The following RPL37 variants were observed in gnomAD, a reference collection of about 807,000 sequenced individuals.
The protein encoded by RPL37 is ribosomal protein L37.
A neutral mutation model predicts 14.8 loss-of-function variants in RPL37; 1 was observed. The observed-to-expected ratio is 0.07, with a 90% CI of 0.02 to 0.32. The LOEUF is 0.32. Among genes scored for constraint, RPL37 ranks in the 10% least tolerant of loss-of-function variants. RPL37 has a pLI of 1.00. For synonymous variants in RPL37, 53 were observed against 45.8 expected (o/e 1.16, Z -0.63); for missense variants, 100 against 128.3 (o/e 0.78, Z 1.06).
chr5:40,830,903 G>A lies in RPL37; in HGVS notation c.*1601C>T, dbSNP rs1745627751. On this transcript the variant is annotated 3_prime_UTR_variant, in exon 4 of 4. Coordinates refer to ENST00000274242, the MANE Select transcript of RPL37 (RefSeq NM_000997.5). ...ACATTATACCCACAGCAACTCAGCT[G>A]TCTTTCAAGGTCATTGTTCAATCTT... is the stretch of plus-strand genomic sequence containing the variant. The A allele has an allele frequency of 6.6e-6, 1 of 151,976 alleles. No homozygotes were observed. The highest frequency in any genetic ancestry group is 2.4e-5 in the African/African-American group (1 of 41,392). 9.4% of individuals were successfully genotyped at this position (151,976 alleles called of 1,614,324 possible).
rs1008801304 is a variant in RPL37, at chr5:40,829,965, C to A, written c.*2539G>T. The A allele has an allele frequency of 1.3e-5, 2 of 152,024 alleles. No individual in the cohort carries two copies. The highest frequency in any genetic ancestry group is 4.8e-5 in the African/African-American group (2 of 41,388). The allele number at this position is 152,024 out of a possible 1,614,324, so 9.4% of individuals were successfully genotyped here. On this transcript the variant is annotated 3_prime_UTR_variant, in exon 4 of 4. Coordinates refer to ENST00000274242, the MANE Select transcript of RPL37 (RefSeq NM_000997.5). ...GCTGCGACTATAGGACGTGAGCTAC[C>A]GTACCCGGCCGCCACAGATTCAACC...
At position 40,829,302 on chromosome 5, in the gene RPL37, TC is replaced by T. The variant is rs1250170866; in HGVS notation, c.*3201del. On this transcript the variant is annotated 3_prime_UTR_variant, in exon 4 of 4. Transcript: ENST00000274242. ...ACTCATCACATGCACACTAACACTTTCCACATTCATCTTGCTAGAATAACTA... is the reference window on the plus strand; with the variant it reads ...ACTCATCACATGCACACTAACACTTTCACATTCATCTTGCTAGAATAACTA... 2 of 152,344 alleles carry T rather than the reference TC, an allele frequency of 1.3e-5. No homozygotes were observed. The highest frequency in any genetic ancestry group is 3.9e-4 in the East Asian group (2 of 5,188). The allele number at this position is 152,344 out of a possible 1,614,324, so 9.4% of individuals were successfully genotyped here.
intron 1 of RPL37, chr5:40,834,910 G>T (rs1359971399): frequency 3.3e-6 from 2 of 610,328 alleles, no homozygotes; most frequent in African/African-American, 3.7e-5. Flanking sequence ...CCTTCCCTCG[G>T]CTCCCAACCA....
rs548600724 is a variant in RPL37, at chr5:40,827,918, G to C, written c.*4586C>G. 2 of 151,062 alleles carry C rather than the reference G, an allele frequency of 1.3e-5. No individual in the cohort carries two copies. The highest frequency in any genetic ancestry group is 4.9e-5 in the African/African-American group (2 of 41,112). 9.4% of individuals were successfully genotyped at this position (151,062 alleles called of 1,614,324 possible). A position where few individuals can be genotyped will look rare whatever the true frequency, so the allele number is the denominator to read the frequency against. On this transcript the variant is annotated 3_prime_UTR_variant, in exon 4 of 4. Coordinates refer to ENST00000274242, the MANE Select transcript of RPL37 (RefSeq NM_000997.5). ...GTTCTTGAGGTTATGCAGTGTCTTTGCCCTGTGCTTCTCTTGTATTATGAT... is the reference window on the plus strand; with the variant it reads ...GTTCTTGAGGTTATGCAGTGTCTTTCCCCTGTGCTTCTCTTGTATTATGAT...
chr5:40,834,398 T>A, intron 2 of RPL37, 73 bp downstream of exon 2: 5 of 1,588,370 alleles, frequency 3.1e-6, no homozygotes, highest in Non-Finnish European at 4.3e-6. Flanking sequence ...CCAAATAAAG[T>A]TCAAACCTAT....
chr5:40,835,052 C>T, intron 1 of RPL37, 131 bp downstream of exon 1: 1 of 1,258,038 alleles, frequency 7.9e-7, no homozygotes, highest in Non-Finnish European at 1.1e-6. Flanking sequence ...TCTTGAGGGC[C>T]ACCGCATGCC....
In RPL37 at chr5:40,827,731, CCTT is replaced by C. The variant is rs1002805393; in HGVS notation, c.*4770_*4772del. 3 of 150,170 alleles carry C rather than the reference CCTT, an allele frequency of 2.0e-5. No homozygotes were observed. The highest frequency in any genetic ancestry group is 7.4e-5 in the African/African-American group (3 of 40,730). The allele number at this position is 150,170 out of a possible 1,614,324, so 9.3% of individuals were successfully genotyped here. A position where few individuals can be genotyped will look rare whatever the true frequency, so the allele number is the denominator to read the frequency against. On this transcript the variant is annotated 3_prime_UTR_variant, in exon 4 of 4. Coordinates refer to ENST00000274242, the MANE Select transcript of RPL37 (RefSeq NM_000997.5). ...GATTTTGCTTAAGTCCTTCCTTTAT[CCTT>C]TTTTTTTTTTGAGATGGAGTCTCGC...
intron 1 of RPL37, 110 bp downstream of exon 1, chr5:40,835,073 C>T: frequency 6.7e-7 from 1 of 1,485,374 alleles, no homozygotes; most frequent in African/African-American, 1.4e-5. Flanking sequence ...TCTTTCCAGC[C>T]CACCAGTTCC....
chr5:40,832,706 CATTT>C, intron 3 of RPL37, 133 bp from the exon 4 acceptor site: 1 of 785,970 alleles, frequency 1.3e-6, no homozygotes, highest in Non-Finnish European at 2.3e-6. Flanking sequence ...TATGTTCAGA[CATTT>C]ATTTTTACAA....
chr5:40,834,756 G>A (rs1745726473), intron 1 of RPL37, 150 bp from the exon 2 acceptor site: 1 of 867,294 alleles, frequency 1.2e-6, no homozygotes, highest in Non-Finnish European at 1.8e-6. Context: ...CCAAGTCAGA[G>A]ACCACTACCC....
intron 3 of RPL37, among the ~76,000 whole-genome samples, chr5:40,833,268 T>C (rs973259255): frequency 2.0e-4 from 30 of 152,224 alleles, no homozygotes; most frequent in Admixed American, 1.6e-3. Context: ...CTAGGGATTC[T>C]GCAAAATATT....
Position 40,833,709 on chromosome 5 carries a change from A to G in RPL37, c.224+472T>C, listed in dbSNP as rs933577716. The stretch of plus-strand genomic sequence containing the variant: ...TCAACACTTTGGGACCCTAGTTCAA[A>G]CAATGCTCCTGTTATTTAATTTATA... On this transcript the variant is annotated intron_variant, in intron 3 of 3. Transcript: ENST00000274242. Among the ~76,000 whole-genome samples, 6 of 150,310 alleles carry G rather than the reference A, an allele frequency of 4.0e-5. 1 individual carries two copies. The highest frequency in any genetic ancestry group is 4.0e-4 in the Admixed American group (6 of 15,186).
At position 40,830,216 on chromosome 5, in the gene RPL37, G is replaced by A. The variant is rs1218052909; in HGVS notation, c.*2288C>T. On this transcript the variant is annotated 3_prime_UTR_variant, in exon 4 of 4. Transcript: ENST00000274242. Reference sequence around the variant, plus strand: ...CACCAACATATAACACTGCAGAGAAGATAAAAGCATAATTTCTGCTGAAAA... The same window carrying A: ...CACCAACATATAACACTGCAGAGAAAATAAAAGCATAATTTCTGCTGAAAA... 1 of 152,126 alleles carries A rather than the reference G, an allele frequency of 6.6e-6. No individual in the cohort carries two copies. Among genetic ancestry groups the A allele is most frequent in the Non-Finnish European group, 1.5e-5 (1 of 68,010 alleles). 9.4% of individuals were successfully genotyped at this position (152,126 alleles called of 1,614,324 possible).
chr5:40,833,566 C>T (rs1433147454), intron 3 of RPL37, among the ~76,000 whole-genome samples: 7 of 152,146 alleles, frequency 4.6e-5, no homozygotes, highest in Non-Finnish European at 1.0e-4. Context: ...GCAACCAGGG[C>T]AATTTTCTAC....
At chr5:40,832,655 G>A (rs1216056501) in intron 3 of RPL37, 82 bp from the exon 4 acceptor site, 1 of 1,015,242 alleles carries the variant, frequency 9.8e-7, no homozygotes, top group East Asian at 2.4e-5. Flanking sequence ...AGATTTCAAT[G>A]CGCTTATCTC....
At position 40,828,652 on chromosome 5, in the gene RPL37, T is replaced by G. The variant is rs973463427; in HGVS notation, c.*3852A>C. On this transcript the variant is annotated 3_prime_UTR_variant, in exon 4 of 4. Transcript: ENST00000274242. ...AAAGACTAGCCTAAATTTTGCCAAA[T>G]CCAGAATTTTAAAATATATCTTCAT... is the stretch of plus-strand genomic sequence containing the variant. 1 of 152,206 alleles carries G rather than the reference T, an allele frequency of 6.6e-6. No individual in the cohort carries two copies. Among genetic ancestry groups the G allele is most frequent in the Admixed American group, 6.5e-5 (1 of 15,274 alleles). The allele number at this position is 152,206 out of a possible 1,614,324, so 9.4% of individuals were successfully genotyped here.
chr5:40,829,243 T>C lies in RPL37; in HGVS notation c.*3261A>G, dbSNP rs1745585480. 1 of 152,228 alleles carries C rather than the reference T, an allele frequency of 6.6e-6. No homozygotes were observed. Among genetic ancestry groups the C allele is most frequent in the Non-Finnish European group, 1.5e-5 (1 of 68,052 alleles). The allele number at this position is 152,228 out of a possible 1,614,324, so 9.4% of individuals were successfully genotyped here. On this transcript the variant is annotated 3_prime_UTR_variant, in exon 4 of 4. Transcript: ENST00000274242. ...TCTGTCATGATTTTCACATGAACTA[T>C]TTAAGAACCTGTTACCTAGTTTCCA...
rs1341117004 is a variant in RPL37, at chr5:40,826,689, A to G, written c.*5815T>C. 1 of 152,228 alleles carries G rather than the reference A, an allele frequency of 6.6e-6. No homozygotes were observed. Among genetic ancestry groups the G allele is most frequent in the Admixed American group, 6.5e-5 (1 of 15,280 alleles). The allele number at this position is 152,228 out of a possible 1,614,324, so 9.4% of individuals were successfully genotyped here. The stretch of plus-strand genomic sequence containing the variant: ...GATGTGAGAATGTTTCCTGAGGACC[A>G]GATGTGTGACACTCAGGAGAGAGCC... On this transcript the variant is annotated 3_prime_UTR_variant, in exon 4 of 4. Coordinates refer to ENST00000274242, the MANE Select transcript of RPL37 (RefSeq NM_000997.5).
At chr5:40,832,925 A>G (rs1021409844) in intron 3 of RPL37, among the ~76,000 whole-genome samples, 2 of 152,248 alleles carry the variant, frequency 1.3e-5, no homozygotes, top group African/African-American at 4.8e-5. Flanking sequence ...TACTTTCACT[A>G]AGCAAGGAAA....
Sources: gnomAD v4.1 joint callset for allele counts (sites outside exome capture counted in the v4.1 genomes callset) on GRCh38, gnomAD v4.1.1 for gene constraint, MANE v1.5 for transcripts, NCBI Gene and HGNC (gene_info 2026-07-23, HGNC 2026-07-21) for gene names.